Variants in PDE7A observed in about 807,000 individuals in gnomAD.
The protein encoded by PDE7A is high affinity 3',5'-cyclic-AMP phosphodiesterase 7A.
A neutral mutation model predicts 64.3 loss-of-function variants in PDE7A; 39 were observed. The observed-to-expected ratio is 0.61, with a 90% CI of 0.47 to 0.79. The LOEUF is 0.79. PDE7A is among the 30% of genes least tolerant of loss of function. PDE7A has a pLI of 0.00. For synonymous variants in PDE7A, 203 were observed against 206.8 expected (o/e 0.98, Z 0.16); for missense variants, 470 against 582.8 (o/e 0.81, Z 1.99).
At chr8:65,782,906 C>A (rs1200372767) in intron 1 of PDE7A, 63 bp from the exon 2 acceptor site, 3 of 926,094 alleles carry the variant, frequency 3.2e-6, no homozygotes, top group Non-Finnish European at 5.2e-6. Context: ...TTCAACTCAA[C>A]AAACATGTAT....
chr8:65,806,682 T>A (rs1214999398), intron 1 of PDE7A, among the ~76,000 whole-genome samples: 1 of 152,256 alleles, frequency 6.6e-6, no homozygotes, highest in East Asian at 1.9e-4. Context: ...CACGTGTTAC[T>A]GATTCACAAA....
chr8:65,826,179 A>T (rs73693434), intron 1 of PDE7A, among the ~76,000 whole-genome samples: 1 of 152,190 alleles, frequency 6.6e-6, no homozygotes, highest in Admixed American at 6.5e-5. Context: ...ACATGGGGCC[A>T]TATCATGAAA....
rs1188408198 is a variant in PDE7A, at chr8:65,841,583, C to T, written c.-75G>A. ...CGGCCCCTGCAGTGGGAGGGGGCCG[C>T]GGCTCGGGGGCTCCGGGCCGAGACG... On this transcript the variant is annotated 5_prime_UTR_variant, in exon 1 of 13. Transcript: ENST00000401827. 8 of 837,668 alleles carry T rather than the reference C, an allele frequency of 9.6e-6. No homozygotes were observed. The Admixed American group carries it at 4.0e-4, about 42-fold the overall frequency. The allele number at this position is 837,668 out of a possible 1,614,324, so 51.9% of individuals were successfully genotyped here.
At chr8:65,746,189 C>A (rs75382877) in intron 4 of PDE7A, among the ~76,000 whole-genome samples, 5,948 of 151,958 alleles carry the variant, frequency 0.039, 174 homozygotes, top group Non-Finnish European at 0.06. Context: ...CCACCTTGGC[C>A]TCCGAACGTG....
At chr8:65,821,115 A>C (rs1330714463) in intron 1 of PDE7A, among the ~76,000 whole-genome samples, 1 of 152,252 alleles carries the variant, frequency 6.6e-6, no homozygotes, top group African/African-American at 2.4e-5. Flanking sequence ...TAGTAGCCTT[A>C]ACCAGTAAGA....
chr8:65,836,270 A>G (rs978730617), intron 1 of PDE7A, among the ~76,000 whole-genome samples: 2 of 152,262 alleles, frequency 1.3e-5, no homozygotes, highest in African/African-American at 4.8e-5. Context: ...AAGAGCCCTT[A>G]TAAACAAGCA....
intron 3 of PDE7A, among the ~76,000 whole-genome samples, chr8:65,766,183 T>A (rs947692089): frequency 6.6e-6 from 1 of 152,182 alleles, no homozygotes; most frequent in African/African-American, 2.4e-5. Flanking sequence ...TGACCTCAGG[T>A]GATCCACCCG....
chr8:65,809,593 A>C (rs1428336455), intron 1 of PDE7A, among the ~76,000 whole-genome samples: 1 of 152,234 alleles, frequency 6.6e-6, no homozygotes, highest in Non-Finnish European at 1.5e-5. Context: ...AAATTTTTGC[A>C]ATCTACCCAT....
chr8:65,814,858 G>T (rs575864990), intron 1 of PDE7A, among the ~76,000 whole-genome samples: 80 of 152,190 alleles, frequency 5.3e-4, no homozygotes, highest in Non-Finnish European at 1.0e-3. Context: ...GAGGAGGATG[G>T]ATCACCTGAG....
intron 6 of PDE7A, 53 bp downstream of exon 6, chr8:65,739,449 G>T: frequency 6.7e-7 from 1 of 1,495,084 alleles, no homozygotes; most frequent in Non-Finnish European, 8.9e-7. Context: ...AACTTAAACA[G>T]GTTCTTGTAT....
intron 3 of PDE7A, among the ~76,000 whole-genome samples, chr8:65,777,077 CTTTTT>C (rs56661178): frequency 1.1e-5 from 1 of 90,462 alleles, no homozygotes. Context: ...TTATCAAATG[CTTTTT>C]TTTTTTTTTT....
At chr8:65,745,698 T>G (rs1013947803) in intron 4 of PDE7A, among the ~76,000 whole-genome samples, 2 of 152,248 alleles carry the variant, frequency 1.3e-5, no homozygotes, top group Non-Finnish European at 2.9e-5. Flanking sequence ...AATTAATGAA[T>G]GCACAGGAAG....
At chr8:65,749,457 T>A (rs930907186) in intron 3 of PDE7A, among the ~76,000 whole-genome samples, 1 of 152,202 alleles carries the variant, frequency 6.6e-6, no homozygotes, top group African/African-American at 2.4e-5. Context: ...CAATTATGAA[T>A]CTTAAATTTC....
At chr8:65,841,328 A>G (rs2128936519) in intron 1 of PDE7A, 43 bp downstream of exon 1, 2 of 1,464,662 alleles carry the variant, frequency 1.4e-6, no homozygotes, top group South Asian at 1.4e-5. Context: ...GAGGGAAACA[A>G]AAGAGAGAAG....
At chr8:65,802,963 C>T (rs1288369457) in intron 1 of PDE7A, among the ~76,000 whole-genome samples, 2 of 152,174 alleles carry the variant, frequency 1.3e-5, no homozygotes, top group African/African-American at 2.4e-5. Flanking sequence ...CACACTCTCA[C>T]TTGCTCCTGC....
At chr8:65,782,706 G>A in intron 2 of PDE7A, 77 bp downstream of exon 2, 1 of 769,044 alleles carries the variant, frequency 1.3e-6, no homozygotes, top group Middle Eastern at 2.6e-4. Flanking sequence ...GCTATCTAAT[G>A]AAAGATACCT....
rs935083426 is a variant in PDE7A at position 65,795,947 on chromosome 8, T to C, written c.139-13104A>G. ...GATTTAAAGGAAAACATGTACACAA[T>C]GAAAAAAAAGAAACTAAAAAAATGG... is the stretch of plus-strand genomic sequence containing the variant. On this transcript the variant is annotated intron_variant, in intron 1 of 12. Coordinates refer to ENST00000401827, the MANE Select transcript of PDE7A (RefSeq NM_001242318.3). Among the ~76,000 whole-genome samples, 91 of 148,330 alleles carry C rather than the reference T, an allele frequency of 6.1e-4. 1 individual carries two copies. Among genetic ancestry groups the C allele is most frequent in the African/African-American group, 2.1e-3 (85 of 40,538 alleles).
chr8:65,809,747 A>C (rs574602255), intron 1 of PDE7A, among the ~76,000 whole-genome samples: 1 of 152,384 alleles, frequency 6.6e-6, no homozygotes, highest in African/African-American at 2.4e-5. Context: ...ACACATGAAA[A>C]AATGCTCATC....
At chr8:65,788,875 G>C (rs370849060) in intron 1 of PDE7A, 2 of 1,573,786 alleles carry the variant, frequency 1.3e-6, no homozygotes, top group African/African-American at 1.3e-5. Flanking sequence ...AAATAAAGAT[G>C]GCCTACCTTA....
Sources: gnomAD v4.1 joint callset for allele counts (sites outside exome capture counted in the v4.1 genomes callset) on GRCh38, gnomAD v4.1.1 for gene constraint, MANE v1.5 for transcripts, NCBI Gene and HGNC (gene_info 2026-07-23, HGNC 2026-07-21) for gene names.